Variants in PPT1 observed in about 807,000 individuals in gnomAD.
The protein encoded by PPT1 is ceroid-palmitoyl-palmitoyl-protein thioesterase 1.
In PPT1, 24 loss-of-function variants were observed where a neutral mutation model predicts 44.0. The observed-to-expected ratio is 0.54, with a 90% CI of 0.39 to 0.77. The LOEUF (loss-of-function observed/expected upper bound fraction) is 0.77, where lower values mean the gene tolerates loss of function less well. Ranked by LOEUF, PPT1 falls within the 30% of genes least tolerant of loss-of-function variation. The pLI is 0.00. For synonymous variants in PPT1, 148 were observed against 140.2 expected, an observed-to-expected ratio of 1.06 and a Z score of -0.39; for missense variants, 341 against 378.8, an observed-to-expected ratio of 0.90 and a Z score of 0.83.
chr1:40,076,129 C>T (rs765478233), intron 8 of PPT1, among the ~76,000 whole-genome samples: 6 of 151,960 alleles, frequency 3.9e-5, no homozygotes, highest in Non-Finnish European at 5.9e-5. Context: ...CTTGTCAGTG[C>T]GTAATTTAGA....
At chr1:40,094,593 T>C (rs1208992518) in intron 1 of PPT1, among the ~76,000 whole-genome samples, 1 of 152,162 alleles carries the variant, frequency 6.6e-6, no homozygotes, top group Non-Finnish European at 1.5e-5. Context: ...AGCCTCTTCA[T>C]CTTGTCCTAG....
At chr1:40,092,635 C>A in intron 1 of PPT1, 128 bp from the exon 2 acceptor site, 2 of 791,828 alleles carry the variant, frequency 2.5e-6, no homozygotes, top group South Asian at 2.9e-5. Flanking sequence ...AAAATATTTG[C>A]AAAACAGTTA....
At chr1:40,089,984 C>T (rs930471752) in intron 4 of PPT1, among the ~76,000 whole-genome samples, 3 of 152,140 alleles carry the variant, frequency 2.0e-5, no homozygotes, top group Admixed American at 2.0e-4. Context: ...TCATTATTTG[C>T]CCTATATCAC....
intron 6 of PPT1, 133 bp downstream of exon 6, chr1:40,080,264 C>CA (rs1389544962): frequency 2.1e-4 from 199 of 959,012 alleles, no homozygotes; most frequent in Non-Finnish European, 2.6e-4. Flanking sequence ...CCCTGCCTCC[C>CA]AAAAAAAACA....
At chr1:40,081,645 G>A (rs947483417) in intron 5 of PPT1, among the ~76,000 whole-genome samples, 1 of 152,004 alleles carries the variant, frequency 6.6e-6, no homozygotes, top group South Asian at 2.1e-4. Flanking sequence ...TGTGCCTTTC[G>A]CCTTCCGCCA....
intron 5 of PPT1, among the ~76,000 whole-genome samples, chr1:40,083,362 G>T (rs1182149397): frequency 2.0e-5 from 3 of 152,164 alleles, no homozygotes; most frequent in Non-Finnish European, 2.9e-5. Flanking sequence ...GGCTGAAGTG[G>T]GAGGATGGCT....
intron 5 of PPT1, among the ~76,000 whole-genome samples, chr1:40,088,140 A>G (rs1557711697): frequency 1.3e-5 from 2 of 151,956 alleles, no homozygotes; most frequent in African/African-American, 2.4e-5. Context: ...CCTACCATCA[A>G]AACTTTTTTT....
At chr1:40,089,638 T>G (rs370175965) in intron 4 of PPT1, 126 bp from the exon 5 acceptor site, 13 of 750,030 alleles carry the variant, frequency 1.7e-5, no homozygotes, top group East Asian at 7.9e-5. Flanking sequence ...TTATTCCTCA[T>G]GAAAATAAAG....
rs1372493328 is a variant in PPT1, at chr1:40,080,391, G to A, written c.627+6C>T. 6.2e-7 allele frequency: 1 copy of A among 1,613,056 alleles called. No individual in the cohort carries two copies. The highest frequency in any genetic ancestry group is 8.5e-7 in the Non-Finnish European group (1 of 1,179,256). On this transcript the variant is annotated splice_donor_region_variant and intron_variant, in intron 6 of 8. Coordinates refer to ENST00000642050, the MANE Select transcript of PPT1 (RefSeq NM_000310.4). ...ACATCTATGGGAGCCCGGTTTGGGTGCTTACCCGCTCCTGATTTATATCTG... is the reference window on the plus strand; with the variant it reads ...ACATCTATGGGAGCCCGGTTTGGGTACTTACCCGCTCCTGATTTATATCTG...
intron 5 of PPT1, among the ~76,000 whole-genome samples, chr1:40,089,058 GGGT>G (rs971759030): frequency 6.6e-6 from 1 of 152,054 alleles, no homozygotes; most frequent in Admixed American, 6.6e-5. Flanking sequence ...AGGCCAAGGT[GGGT>G]GGGTCACCTG....
intron 4 of PPT1, among the ~76,000 whole-genome samples, chr1:40,089,988 A>G (rs984927818): frequency 1.3e-5 from 2 of 152,218 alleles, no homozygotes; most frequent in African/African-American, 2.4e-5. Context: ...TATTTGCCCT[A>G]TATCACAGAT....
In PPT1 at chr1:40,074,031, C is replaced by T. The variant is rs1335000532; in HGVS notation, c.*30G>A. On this transcript the variant is annotated 3_prime_UTR_variant, in exon 9 of 9. Transcript: ENST00000642050. Reference sequence around the variant, plus strand: ...ATGTGGTTTGGAAGAGTTAGGGGCTCCCTGAGCTCTATTGTGAACTATACG... The same window carrying T: ...ATGTGGTTTGGAAGAGTTAGGGGCTTCCTGAGCTCTATTGTGAACTATACG... 6.2e-7 allele frequency: 1 copy of T among 1,613,788 alleles called. No homozygotes were observed. Among genetic ancestry groups the T allele is most frequent in the Non-Finnish European group, 8.5e-7 (1 of 1,179,914 alleles).
chr1:40,092,507 C>T lies in PPT1; in HGVS notation c.125G>A (p.Gly42Glu), dbSNP rs386833631. ...PLPLVIWHGM[G>E]DSCCNPLSMG... ...GCTTAAGGGATTGCAACAGCTGTCT[C>T]CTAGCCAACAAAACACAATGATGGA... Residue 42 changes from glycine (G) to glutamate (E), a missense_variant and splice_region_variant, in exon 2 of 9, where the codon GGA (glycine) becomes GAA (glutamate). Gly to Glu is a moderately conservative substitution (Grantham distance 98). Coordinates refer to ENST00000642050, the MANE Select transcript of PPT1 (RefSeq NM_000310.4). 9 of 1,604,238 alleles carry T rather than the reference C, an allele frequency of 5.6e-6. No individual in the cohort carries two copies. Among genetic ancestry groups the T allele is most frequent in the Non-Finnish European group, 7.7e-6 (9 of 1,171,044 alleles).
At chr1:40,078,856 T>C (rs1398353143) in intron 6 of PPT1, 198 bp from the exon 7 acceptor site, 1 of 573,054 alleles carries the variant, frequency 1.7e-6, no homozygotes, top group African/African-American at 1.9e-5. Context: ...ACAAAATATT[T>C]TATTTTAGAT....
At chr1:40,086,453 GGTTAA>G (rs1383796973) in intron 5 of PPT1, among the ~76,000 whole-genome samples, 2 of 152,216 alleles carry the variant, frequency 1.3e-5, no homozygotes, top group African/African-American at 2.4e-5. Context: ...GCTTTGCTAA[GGTTAA>G]GTTATCTGAA....
chr1:40,096,933 T>C, intron 1 of PPT1, 182 bp downstream of exon 1: 1 of 1,059,808 alleles, frequency 9.4e-7, no homozygotes, highest in South Asian at 1.5e-5. Context: ...CTCTTTCCAG[T>C]GAAGGGGACG....
At chr1:40,078,789 C>T (rs541843483) in intron 6 of PPT1, 131 bp from the exon 7 acceptor site, 1 of 780,342 alleles carries the variant, frequency 1.3e-6, no homozygotes. Context: ...GGGCTGTTTT[C>T]CAGCTTCCTG....
intron 5 of PPT1, among the ~76,000 whole-genome samples, chr1:40,088,143 C>CTTT (rs869306144): frequency 6.4e-5 from 9 of 139,722 alleles, no homozygotes; most frequent in Admixed American, 2.2e-4. Context: ...ACCATCAAAA[C>CTTT]TTTTTTTTTT....
Position 40,093,799 on chromosome 1 carries a change from G to T in PPT1, c.125-1292C>A, listed in dbSNP as rs1004061172. 6.1e-6 allele frequency: 3 copies of T among 488,750 alleles called. No individual in the cohort carries two copies. In the South Asian group the frequency reaches 1.1e-4, roughly 17 times the overall value. 30.3% of individuals were successfully genotyped at this position (488,750 alleles called of 1,614,324 possible). ...CTTGGGGGGCTGAGGCAGGAGAATC[G>T]CTTGAAACTGAAAGGTGGAGGTTTC... is the stretch of plus-strand genomic sequence containing the variant. On this transcript the variant is annotated intron_variant, in intron 1 of 8. Coordinates refer to ENST00000642050, the MANE Select transcript of PPT1 (RefSeq NM_000310.4).
Sources: allele counts gnomAD v4.1 joint callset (sites outside exome capture counted in the v4.1 genomes callset), GRCh38; gene constraint gnomAD v4.1.1; transcripts MANE v1.5; gene names NCBI Gene and HGNC (gene_info 2026-07-23, HGNC 2026-07-21).